Variants in MINDY2 observed in about 807,000 individuals in gnomAD.
The protein encoded by MINDY2 is ubiquitin carboxyl-terminal hydrolase MINDY-2.
MINDY2 carries 52 observed loss-of-function variants against 68.2 expected under a neutral mutation model. The ratio of observed to expected loss-of-function variants is 0.76; its 90% CI spans 0.61 to 0.96. The LOEUF (loss-of-function observed/expected upper bound fraction) is 0.96, where lower values mean the gene tolerates loss of function less well. Among genes scored for constraint, MINDY2 ranks in the 40% least tolerant of loss-of-function variants. The probability of loss-of-function intolerance (pLI) is 0.00; values close to 1 mark genes in which losing one functional copy is unlikely to be tolerated. For synonymous variants in MINDY2, 372 were observed against 303.0 expected, an observed-to-expected ratio of 1.23 and a Z score of -2.36; for missense variants, 881 against 773.4, an observed-to-expected ratio of 1.14 and a Z score of -1.65.
chr15:58,824,583 T>A (rs2031269044), intron 5 of MINDY2, among the ~76,000 whole-genome samples: 1 of 152,052 alleles, frequency 6.6e-6, no homozygotes, highest in Admixed American at 6.6e-5. Flanking sequence ...GTTACTTGTA[T>A]AAGACACTAA....
At chr15:58,824,958 C>G (rs1268547434) in intron 5 of MINDY2, among the ~76,000 whole-genome samples, 1 of 152,160 alleles carries the variant, frequency 6.6e-6, no homozygotes, top group South Asian at 2.1e-4. Context: ...GCATAAGCCA[C>G]CTCGCCCAGC....
intron 1 of MINDY2, among the ~76,000 whole-genome samples, chr15:58,781,155 T>C (rs1439289029): frequency 6.6e-6 from 1 of 152,124 alleles, no homozygotes; most frequent in Non-Finnish European, 1.5e-5. Flanking sequence ...GTTCAAGCTA[T>C]TCTCCTGCCT....
At chr15:58,797,267 G>A (rs944564782) in intron 2 of MINDY2, among the ~76,000 whole-genome samples, 3 of 152,146 alleles carry the variant, frequency 2.0e-5, no homozygotes, top group African/African-American at 4.8e-5. Flanking sequence ...AGCACTTCGC[G>A]AGACTGAGGC....
chr15:58,816,568 G>C (rs1189393179), intron 4 of MINDY2, among the ~76,000 whole-genome samples: 1 of 151,994 alleles, frequency 6.6e-6, no homozygotes, highest in African/African-American at 2.4e-5. Context: ...AGCATGCCCA[G>C]CTCACATACA....
intron 6 of MINDY2, among the ~76,000 whole-genome samples, chr15:58,834,723 G>C (rs1417468954): frequency 2.0e-5 from 3 of 152,102 alleles, no homozygotes; most frequent in Non-Finnish European, 4.4e-5. Context: ...AAATGAAAGT[G>C]GCTTATTAAA....
In MINDY2 at chr15:58,851,711, C is replaced by T. The variant is rs971479871; in HGVS notation, c.1543-60C>T. The stretch of plus-strand genomic sequence containing the variant: ...TTTATAGATATAACGTTTGTATTTG[C>T]AGTCATTCATTCTTGGGTAAAATCT... On this transcript the variant is annotated intron_variant, in intron 7 of 8. Coordinates refer to ENST00000559228, the MANE Select transcript of MINDY2 (RefSeq NM_001040450.3). The T allele has an allele frequency of 3.1e-5, 39 of 1,258,692 alleles. No individual in the cohort carries two copies. In the African/African-American group the frequency reaches 5.6e-4, roughly 18 times the overall value. 78.0% of individuals were successfully genotyped at this position (1,258,692 alleles called of 1,614,324 possible).
At chr15:58,773,026 G>A (rs749382736) in intron 1 of MINDY2, among the ~76,000 whole-genome samples, 13 of 152,204 alleles carry the variant, frequency 8.5e-5, no homozygotes, top group Non-Finnish European at 1.6e-4. Flanking sequence ...CCTGTCAAAT[G>A]AAGTGTCTCA....
chr15:58,852,977 G>A (rs1422773379), intron 8 of MINDY2, among the ~76,000 whole-genome samples: 1 of 64,482 alleles, frequency 1.6e-5, no homozygotes, highest in African/African-American at 5.6e-5. Flanking sequence ...TTTTAAGACA[G>A]AGTCTCACTC....
chr15:58,822,781 C>T (rs1304538884), intron 5 of MINDY2, among the ~76,000 whole-genome samples: 1 of 152,054 alleles, frequency 6.6e-6, no homozygotes, highest in Non-Finnish European at 1.5e-5. Flanking sequence ...TTCACTCTTT[C>T]AAAAATATAC....
At chr15:58,817,226 T>C (rs946991349) in intron 4 of MINDY2, among the ~76,000 whole-genome samples, 10 of 151,802 alleles carry the variant, frequency 6.6e-5, no homozygotes, top group Non-Finnish European at 1.0e-4. Context: ...GAATAAAGGA[T>C]TAATATTCAG....
At chr15:58,825,501 G>T (rs369978762) in intron 5 of MINDY2, among the ~76,000 whole-genome samples, 2 of 152,128 alleles carry the variant, frequency 1.3e-5, no homozygotes, top group African/African-American at 2.4e-5. Context: ...AAAAAAAAGC[G>T]CAGTACCAGC....
chr15:58,831,891 A>G lies in MINDY2; in HGVS notation c.1343A>G (p.His448Arg). The change falls in exon 6 of 9, where the codon CAT becomes CGT. Residue 448 changes from histidine (H) to arginine (R), a missense_variant. By Grantham distance (29) the His-to-Arg change is conservative. Transcript: ENST00000559228. ...GELCVFFRNN[H>R]FSTMTKYKGQ... ...CTTTGTGTGTTCTTTCGGAATAATC[A>G]TTTTAGCACCATGACCAAATACAAG... 6.2e-7 allele frequency: 1 copy of G among 1,613,270 alleles called. No homozygotes were observed. Among genetic ancestry groups the G allele is most frequent in the Non-Finnish European group, 8.5e-7 (1 of 1,179,702 alleles).
At chr15:58,813,516 G>A (rs1418871335) in intron 4 of MINDY2, among the ~76,000 whole-genome samples, 1 of 152,166 alleles carries the variant, frequency 6.6e-6, no homozygotes, top group African/African-American at 2.4e-5. Context: ...AAACATTTGT[G>A]TACAGGTACG....
chr15:58,789,709 G>T (rs573133394), intron 2 of MINDY2, among the ~76,000 whole-genome samples: 2 of 151,956 alleles, frequency 1.3e-5, no homozygotes, highest in South Asian at 4.2e-4. Flanking sequence ...GTGCAATGGC[G>T]TGATCTCAGC....
chr15:58,833,289 C>A (rs542427922), intron 6 of MINDY2, among the ~76,000 whole-genome samples: 1 of 152,306 alleles, frequency 6.6e-6, no homozygotes, highest in African/African-American at 2.4e-5. Context: ...TGATAACTCT[C>A]CATCCCATAC....
chr15:58,789,103 C>T (rs571256996), intron 2 of MINDY2, among the ~76,000 whole-genome samples: 173 of 152,208 alleles, frequency 1.1e-3, no homozygotes, highest in South Asian at 3.9e-3. Flanking sequence ...TTTGGGAGGC[C>T]GAGGCGGGCC....
chr15:58,796,196 A>G, intron 2 of MINDY2: 2 of 453,120 alleles, frequency 4.4e-6, no homozygotes, highest in African/African-American at 2.0e-5. Flanking sequence ...TTAATGGAGA[A>G]CATGTGACTT....
intron 3 of MINDY2, among the ~76,000 whole-genome samples, chr15:58,806,765 T>C (rs1258465750): frequency 6.6e-6 from 1 of 152,210 alleles, no homozygotes; most frequent in Non-Finnish European, 1.5e-5. Flanking sequence ...CTGTTGTTAC[T>C]ATTTTTTCAG....
At chr15:58,783,690 T>G (rs925844963) in intron 1 of MINDY2, among the ~76,000 whole-genome samples, 1 of 152,178 alleles carries the variant, frequency 6.6e-6, no homozygotes, top group South Asian at 2.1e-4. Context: ...TCCCAGCACT[T>G]CAGGAGGCTG....
Sources: gnomAD v4.1 joint callset for allele counts (sites outside exome capture counted in the v4.1 genomes callset) on GRCh38, gnomAD v4.1.1 for gene constraint, MANE v1.5 for transcripts, NCBI Gene and HGNC (gene_info 2026-07-23, HGNC 2026-07-21) for gene names.